SUPT5H: variants seen among roughly 807,000 people sequenced by gnomAD.
SUPT5H encodes the protein transcription elongation factor SPT5.
In SUPT5H, 24 loss-of-function variants were observed where a neutral mutation model predicts 142.5. That is an observed-to-expected ratio of 0.17 (90% confidence interval 0.12 to 0.24). The LOEUF is 0.24. Ranked by LOEUF, SUPT5H falls within the 10% of genes least tolerant of loss-of-function variation. The pLI is 1.00. For missense variants in SUPT5H, 893 were observed against 1,471.8 expected (o/e 0.61, Z 6.43); for synonymous variants, 546 against 553.0 (o/e 0.99, Z 0.18).
chr19:39,471,527 A>G (rs2079319920), intron 19 of SUPT5H, 24 bp downstream of exon 19: 1 of 1,613,976 alleles, frequency 6.2e-7, no homozygotes, highest in African/African-American at 1.3e-5. Flanking sequence ...CCTGCTTTTG[A>G]GCTGCATCTG....
Position 39,464,789 on chromosome 19 carries a change from A to ACCCTGCAGC in SUPT5H, c.625_633dup. The ACCCTGCAGC allele has an allele frequency of 1.3e-6, 2 of 1,590,634 alleles. No individual in the cohort carries two copies. The highest frequency in any genetic ancestry group is 1.7e-6 in the Non-Finnish European group (2 of 1,162,776). On this transcript the variant is annotated splice_polypyrimidine_tract_variant and intron_variant, in intron 10 of 29. Coordinates refer to ENST00000432763, the MANE Select transcript of SUPT5H (RefSeq NM_001111020.3). ...CACTGTTTCCTCCTTCCACCGGCTC[A>ACCCTGCAGC]CCCTGCAGCCCCTGCAGATCAAGTC...
rs527577095 is a variant in SUPT5H, at chr19:39,448,668, C to T, written c.75+2703C>T. Among the ~76,000 whole-genome samples, 43 of 152,152 alleles carry T rather than the reference C, an allele frequency of 2.8e-4. No individual in the cohort carries two copies. The South Asian group carries it at 8.5e-3, about 30-fold the overall frequency. On this transcript the variant is annotated intron_variant, in intron 2 of 29. Transcript: ENST00000432763. ...AGGATTGGATGGCCTTTTCAGACAG[C>T]CAAATGATGACATGGTCCTTGAAGG... is the stretch of plus-strand genomic sequence containing the variant.
rs2079365865 is a variant in SUPT5H at position 39,474,073 on chromosome 19, C to T, written c.2603C>T (p.Pro868Leu). The T allele has an allele frequency of 2.5e-6, 4 of 1,608,420 alleles. No individual in the cohort carries two copies. The highest frequency in any genetic ancestry group is 3.4e-6 in the Non-Finnish European group (4 of 1,176,838). ...QTPGYPDPSS[P>L]QVNPQYNPQT... ...CCTGGCTACCCAGACCCCTCGTCCC[C>T]ACAGGTCAACCCACAATACAACCCG... Residue 868 changes from proline to leucine, a missense_variant, in exon 26 of 30, where the codon CCA (proline) becomes CTA (leucine). By Grantham distance (98) the Pro-to-Leu change is moderately conservative (BLOSUM62 -3). Around this residue, in one of 6 missense-constraint regions of SUPT5H, gnomAD observed 336 missense variants for 546.5 expected, o/e 0.61. Coordinates refer to ENST00000432763, the MANE Select transcript of SUPT5H (RefSeq NM_001111020.3). This position sits in a 1 kb window ranked among gnomAD's most constrained non-coding sequence, Gnocchi z 6.5.
intron 10 of SUPT5H, among the ~76,000 whole-genome samples, chr19:39,461,340 C>T (rs1366705517): frequency 1.3e-5 from 2 of 151,824 alleles, no homozygotes; most frequent in Admixed American, 1.3e-4. Flanking sequence ...TAATAAGTGT[C>T]CCTGCCTGTC....
At chr19:39,464,726 A>C (rs1200740001) in intron 10 of SUPT5H, 72 bp from the exon 11 acceptor site, 1 of 1,525,536 alleles carries the variant, frequency 6.6e-7, no homozygotes. Context: ...GGGACTGCTG[A>C]TGAGTGGCAG....
In SUPT5H at chr19:39,473,904, C is replaced by A; in HGVS notation, c.2493-59C>A. ...TGGGGGTCTGGTGTAGGGTGCTGTTCTGGAAGCATCCATCGCATTATCACC... is the reference window on the plus strand; with the variant it reads ...TGGGGGTCTGGTGTAGGGTGCTGTTATGGAAGCATCCATCGCATTATCACC... On this transcript the variant is annotated intron_variant, in intron 25 of 29. Coordinates refer to ENST00000432763, the MANE Select transcript of SUPT5H (RefSeq NM_001111020.3). The surrounding 1 kb of genome is among the most constrained non-coding windows in gnomAD (Gnocchi z 5.8). 1.2e-6 allele frequency: 2 copies of A among 1,610,012 alleles called. No homozygotes were observed. The highest frequency in any genetic ancestry group is 1.1e-5 in the South Asian group (1 of 91,010).
chr19:39,466,385 C>T lies in SUPT5H; in HGVS notation c.877-95C>T, dbSNP rs1242191124. 6.9e-6 allele frequency: 8 copies of T among 1,166,758 alleles called. No homozygotes were observed. The highest frequency in any genetic ancestry group is 1.8e-5 in the Admixed American group (1 of 55,290). The allele number at this position is 1,166,758 out of a possible 1,614,324, so 72.3% of individuals were successfully genotyped here. ...GCCTGGTTTCTTCCCCACCATCCTG[C>T]GTCCCTTCTCCTTCCTAGCATCTCC... is the stretch of plus-strand genomic sequence containing the variant. On this transcript the variant is annotated intron_variant, in intron 11 of 29. Transcript: ENST00000432763. The surrounding 1 kb of genome is among the most constrained non-coding windows in gnomAD (Gnocchi z 4.3).
chr19:39,462,014 A>G (rs2079169647), intron 10 of SUPT5H, among the ~76,000 whole-genome samples: 3 of 148,588 alleles, frequency 2.0e-5, no homozygotes, highest in African/African-American at 5.0e-5. Flanking sequence ...GCTCACTGCA[A>G]CCTCTGCCTC....
At position 39,476,446 on chromosome 19, in the gene SUPT5H, TC is replaced by T; in HGVS notation, c.*49del. ...TCGTCGGATGAAGAGTGATCCTCCT[TC>T]CTTCCCTGGCCCTTGGCTGTGACAC... On this transcript the variant is annotated 3_prime_UTR_variant, in exon 30 of 30. Transcript: ENST00000432763. 2 of 1,609,440 alleles carry T rather than the reference TC, an allele frequency of 1.2e-6. No homozygotes were observed. The highest frequency in any genetic ancestry group is 1.7e-6 in the Non-Finnish European group (2 of 1,178,184).
chr19:39,472,588 C>G lies in SUPT5H; in HGVS notation c.2035+95C>G. ...ACACTCACTGAGTGCCTGTGCTGGGCTGGGCACTGCTATTAGGGGTTCACC... is the reference window on the plus strand; with the variant it reads ...ACACTCACTGAGTGCCTGTGCTGGGGTGGGCACTGCTATTAGGGGTTCACC... On this transcript the variant is annotated intron_variant, in intron 21 of 29. Coordinates refer to ENST00000432763, the MANE Select transcript of SUPT5H (RefSeq NM_001111020.3). This position sits in a 1 kb window ranked among gnomAD's most constrained non-coding sequence, Gnocchi z 4.2. 6.9e-7 allele frequency: 1 copy of G among 1,442,658 alleles called. No individual in the cohort carries two copies. The highest frequency in any genetic ancestry group is 9.6e-7 in the Non-Finnish European group (1 of 1,043,834). The allele number at this position is 1,442,658 out of a possible 1,614,324, so 89.4% of individuals were successfully genotyped here. A position where few individuals can be genotyped will look rare whatever the true frequency, so the allele number is the denominator to read the frequency against.
chr19:39,469,868 A>G lies in SUPT5H; in HGVS notation c.1375-251A>G. ...TGAGGGGCAGGCTCTCTGTGTGGGT[A>G]TAGGTAGGCATCGTGTGTCTTGAGG... On this transcript the variant is annotated intron_variant, in intron 16 of 29. Coordinates refer to ENST00000432763, the MANE Select transcript of SUPT5H (RefSeq NM_001111020.3). The surrounding 1 kb of genome is among the most constrained non-coding windows in gnomAD (Gnocchi z 5.1). 2.0e-6 allele frequency: 1 copy of G among 499,342 alleles called. No individual in the cohort carries two copies. The highest frequency in any genetic ancestry group is 3.6e-6 in the Non-Finnish European group (1 of 277,372). The allele number at this position is 499,342 out of a possible 1,614,324, so 30.9% of individuals were successfully genotyped here.
intron 2 of SUPT5H, among the ~76,000 whole-genome samples, chr19:39,450,661 T>G (rs1456367258): frequency 6.6e-6 from 1 of 152,236 alleles, no homozygotes; most frequent in Admixed American, 6.5e-5. Flanking sequence ...GATTACAGTT[T>G]TCTAAGACTG....
chr19:39,458,960 G>A lies in SUPT5H; in HGVS notation c.390-45G>A. ...TTGGGAGTAGGTCAGCCCACCTGCT[G>A]TCCTCAACCTTCAATTCGTGTTTGC... On this transcript the variant is annotated intron_variant, in intron 6 of 29. Coordinates refer to ENST00000432763, the MANE Select transcript of SUPT5H (RefSeq NM_001111020.3). This position sits in a 1 kb window ranked among gnomAD's most constrained non-coding sequence, Gnocchi z 4.2. The A allele has an allele frequency of 6.2e-7, 1 of 1,614,016 alleles. No homozygotes were observed. Among genetic ancestry groups the A allele is most frequent in the Non-Finnish European group, 8.5e-7 (1 of 1,179,924 alleles).
At chr19:39,450,798 G>A (rs747896640) in intron 2 of SUPT5H, among the ~76,000 whole-genome samples, 2 of 152,094 alleles carry the variant, frequency 1.3e-5, no homozygotes, top group Non-Finnish European at 2.9e-5. Flanking sequence ...TCTTGATTGG[G>A]TCATGAGAAA....
chr19:39,445,889 A>C lies in SUPT5H; in HGVS notation c.-2A>C, dbSNP rs1478654993. The C allele has an allele frequency of 1.2e-5, 20 of 1,613,644 alleles. No individual in the cohort carries two copies. The highest frequency in any genetic ancestry group is 1.5e-5 in the Non-Finnish European group (18 of 1,179,988). ...TGCTGTCTTTCCCAGCAGCAGCGGAAGATGTCGGACAGCGAGGACAGCAAC... is the reference window on the plus strand; with the variant it reads ...TGCTGTCTTTCCCAGCAGCAGCGGACGATGTCGGACAGCGAGGACAGCAAC... On this transcript the variant is annotated 5_prime_UTR_variant, in exon 2 of 30. Transcript: ENST00000432763.
Position 39,470,461 on chromosome 19 carries a change from C to T in SUPT5H, c.1615C>T (p.Leu539=). 1 of 1,604,508 alleles carries T rather than the reference C, an allele frequency of 6.2e-7. No homozygotes were observed. Among genetic ancestry groups the T allele is most frequent in the Non-Finnish European group, 8.5e-7 (1 of 1,174,674 alleles). Residue 539 remains leucine, a synonymous_variant, in exon 18 of 30, where the codon CTG becomes TTG. Coordinates refer to ENST00000432763, the MANE Select transcript of SUPT5H (RefSeq NM_001111020.3). This position sits in a 1 kb window ranked among gnomAD's most constrained non-coding sequence, Gnocchi z 5.8. ...TGGGGGCCAGCATGAATGGGGCGAGCTGGTGCAGCTGGATCCCCAGACTGT... is the reference window on the plus strand; with the variant it reads ...TGGGGGCCAGCATGAATGGGGCGAGTTGGTGCAGCTGGATCCCCAGACTGT... ...DVGGQHEWGE[L]VQLDPQTVGV...
intron 19 of SUPT5H, 40 bp from the exon 20 acceptor site, chr19:39,471,565 G>A: frequency 6.2e-7 from 1 of 1,613,852 alleles, no homozygotes; most frequent in Non-Finnish European, 8.5e-7. Context: ...GGGGGTGAGG[G>A]GGACATGGTC....
At chr19:39,451,477 GC>G (rs1452036218) in intron 2 of SUPT5H, among the ~76,000 whole-genome samples, 1 of 152,002 alleles carries the variant, frequency 6.6e-6, no homozygotes, top group African/African-American at 2.4e-5. Flanking sequence ...TGACCTTTGA[GC>G]ATTATGTCAG....
chr19:39,474,405 A>G lies in SUPT5H; in HGVS notation c.2820+3A>G, dbSNP rs745570928. ...CACCGTCGCCCATGGCCTATCAGGT[A>G]ATGGTCTGCCTGCCTGCCCTGAAGG... On this transcript the variant is annotated splice_donor_region_variant and intron_variant, in intron 27 of 29. Transcript: ENST00000432763. The surrounding 1 kb of genome is among the most constrained non-coding windows in gnomAD (Gnocchi z 6.5). 1.9e-6 allele frequency: 3 copies of G among 1,613,308 alleles called. No homozygotes were observed. The highest frequency in any genetic ancestry group is 1.1e-5 in the South Asian group (1 of 91,058).
Sources: allele counts gnomAD v4.1 joint callset (sites outside exome capture counted in the v4.1 genomes callset), GRCh38; gene constraint gnomAD v4.1.1; regional missense constraint gnomAD v4.1.1; non-coding constraint Gnocchi (gnomAD v3.1); transcripts MANE v1.5; gene names NCBI Gene and HGNC (gene_info 2026-07-23, HGNC 2026-07-21).